The following NALF1 variants were observed in gnomAD, a reference collection of about 807,000 sequenced individuals.
NALF1 encodes the protein family with sequence similarity 155 member A.
Under a neutral mutation model 48.4 loss-of-function variants are expected in NALF1, and 3 were observed. The observed-to-expected ratio is 0.06, with a 90% CI of 0.03 to 0.16. NALF1 has a LOEUF of 0.16. Among genes scored for constraint, NALF1 ranks in the 10% least tolerant of loss-of-function variants. NALF1 has a pLI of 1.00. For synonymous variants in NALF1, 262 were observed against 245.7 expected, an observed-to-expected ratio of 1.07 and a Z score of -0.62; for missense variants, 526 against 571.5, an observed-to-expected ratio of 0.92 and a Z score of 0.81.
chr13:107,693,829 G>T (rs1881631400), intron 1 of NALF1, among the ~76,000 whole-genome samples: 1 of 152,130 alleles, frequency 6.6e-6, no homozygotes, highest in African/African-American at 2.4e-5. Context: ...AGATTTGGAG[G>T]CCACGGTCCT....
At chr13:107,597,092 G>A (rs1410979752) in intron 1 of NALF1, among the ~76,000 whole-genome samples, 1 of 152,074 alleles carries the variant, frequency 6.6e-6, no homozygotes, top group Non-Finnish European at 1.5e-5. Flanking sequence ...ATGATATTTT[G>A]CATAGAGGGT....
At chr13:107,579,756 C>A (rs1878251540) in intron 1 of NALF1, among the ~76,000 whole-genome samples, 1 of 151,518 alleles carries the variant, frequency 6.6e-6, no homozygotes, top group Non-Finnish European at 1.5e-5. Context: ...ATGTGCCATG[C>A]TGGTGTGCTG....
Position 107,163,526 on chromosome 13 carries a change from A to C in NALF1, c.*6971T>G, listed in dbSNP as rs186386949. On this transcript the variant is annotated 3_prime_UTR_variant, in exon 3 of 3. Transcript: ENST00000375915. ...TAAACAAACTTTAGCAGTGGCCTCT[A>C]TATCTTTTTAATATTTGTATTTTAA... 1 of 152,198 alleles carries C rather than the reference A, an allele frequency of 6.6e-6. No homozygotes were observed. Among genetic ancestry groups the C allele is most frequent in the African/African-American group, 2.4e-5 (1 of 41,454 alleles). 9.4% of individuals were successfully genotyped at this position (152,198 alleles called of 1,614,324 possible).
In NALF1 at chr13:107,388,427, T is replaced by A. The variant is rs1883566373; in HGVS notation, c.916-177672A>T. Among the ~76,000 whole-genome samples the A allele has an allele frequency of 3.3e-5, 5 of 152,318 alleles. No homozygotes were observed. In the South Asian group the frequency reaches 1.0e-3, roughly 32 times the overall value. On this transcript the variant is annotated intron_variant, in intron 1 of 2. Transcript: ENST00000375915. Reference sequence around the variant, plus strand: ...CTGGGGAGCTATGCTGGTGCATAAATCTGTGTTAGATTCTTATTCATATGT... The same window carrying A: ...CTGGGGAGCTATGCTGGTGCATAAAACTGTGTTAGATTCTTATTCATATGT...
chr13:107,610,004 T>C (rs930279214), intron 1 of NALF1, among the ~76,000 whole-genome samples: 1 of 152,206 alleles, frequency 6.6e-6, no homozygotes, highest in African/African-American at 2.4e-5. Context: ...TGATGATTGA[T>C]AGACAATCAA....
rs903716865 is a variant in NALF1 at position 107,814,589 on chromosome 13, G to A, written c.915+51093C>T. Among the ~76,000 whole-genome samples, 5 of 152,256 alleles carry A rather than the reference G, an allele frequency of 3.3e-5. 1 individual carries two copies. The South Asian group carries it at 1.0e-3, about 32-fold the overall frequency. Reference sequence around the variant, plus strand: ...AACAGAAGAAGTTACTAGAGATAAAGAGGGATACTTTATAATGATAAAAGG... The same window carrying A: ...AACAGAAGAAGTTACTAGAGATAAAAAGGGATACTTTATAATGATAAAAGG... On this transcript the variant is annotated intron_variant, in intron 1 of 2. Coordinates refer to ENST00000375915, the MANE Select transcript of NALF1 (RefSeq NM_001080396.3).
chr13:107,350,647 G>A (rs990693690), intron 1 of NALF1, among the ~76,000 whole-genome samples: 4 of 152,188 alleles, frequency 2.6e-5, no homozygotes, highest in African/African-American at 9.7e-5. Context: ...TCTTCATTGA[G>A]GTAGAATGAT....
At chr13:107,229,643 C>T (rs1044799357) in intron 1 of NALF1, among the ~76,000 whole-genome samples, 3 of 152,104 alleles carry the variant, frequency 2.0e-5, no homozygotes, top group Admixed American at 6.6e-5. Flanking sequence ...CACCCCACAC[C>T]CATGAACATT....
intron 2 of NALF1, among the ~76,000 whole-genome samples, chr13:107,201,800 C>T (rs1879526747): frequency 6.6e-6 from 1 of 152,130 alleles, no homozygotes; most frequent in African/African-American, 2.4e-5. Context: ...GTCCCTAAGA[C>T]AAGCCCAAAA....
chr13:107,621,660 C>T (rs937304212), intron 1 of NALF1, among the ~76,000 whole-genome samples: 7 of 152,184 alleles, frequency 4.6e-5, no homozygotes, highest in Admixed American at 1.3e-4. Context: ...ACATTTCTCC[C>T]AGTCATGCCT....
intron 1 of NALF1, among the ~76,000 whole-genome samples, chr13:107,424,091 T>C (rs1243448061): frequency 6.6e-6 from 1 of 152,172 alleles, no homozygotes; most frequent in Non-Finnish European, 1.5e-5. Flanking sequence ...CCTGTACTTA[T>C]TAACTGTAAT....
chr13:107,197,746 A>G (rs1179066118), intron 2 of NALF1, among the ~76,000 whole-genome samples: 1 of 152,182 alleles, frequency 6.6e-6, no homozygotes, highest in African/African-American at 2.4e-5. Flanking sequence ...ATTTGTCCAC[A>G]CTTGCTTTTG....
rs187471983 is a variant in NALF1 at position 107,252,447 on chromosome 13, G to A, written c.916-41692C>T. ...AGGAGAGAGGAAAGGAGAAAGAGAG[G>A]GACAGACACAGAGAGGAGAAAGAGA... On this transcript the variant is annotated intron_variant, in intron 1 of 2. Coordinates refer to ENST00000375915, the MANE Select transcript of NALF1 (RefSeq NM_001080396.3). Among the ~76,000 whole-genome samples, 17 of 150,962 alleles carry A rather than the reference G, an allele frequency of 1.1e-4. No individual in the cohort carries two copies. In the East Asian group the frequency reaches 2.7e-3, roughly 24 times the overall value.
intron 1 of NALF1, among the ~76,000 whole-genome samples, chr13:107,504,251 A>C (rs1368005423): frequency 8.7e-6 from 1 of 114,728 alleles, no homozygotes; most frequent in Admixed American, 8.2e-5. Context: ...GCCCTATCTC[A>C]AAAAAAAAAA....
At chr13:107,747,159 C>T (rs908725643) in intron 1 of NALF1, among the ~76,000 whole-genome samples, 38 of 152,226 alleles carry the variant, frequency 2.5e-4, no homozygotes, top group Non-Finnish European at 5.3e-4. Flanking sequence ...ATTTTAATTT[C>T]ACTGCCAATT....
chr13:107,770,789 T>G (rs1877556325), intron 1 of NALF1, among the ~76,000 whole-genome samples: 1 of 152,236 alleles, frequency 6.6e-6, no homozygotes, highest in South Asian at 2.1e-4. Context: ...GACTTTGTAC[T>G]AGTCAATTAA....
At chr13:107,727,140 A>C (rs1236567333) in intron 1 of NALF1, among the ~76,000 whole-genome samples, 1 of 152,128 alleles carries the variant, frequency 6.6e-6, no homozygotes, top group Non-Finnish European at 1.5e-5. Flanking sequence ...AGGATATCGC[A>C]TATTTAAGGC....
intron 1 of NALF1, among the ~76,000 whole-genome samples, chr13:107,247,696 T>A (rs1880611600): frequency 6.6e-6 from 1 of 152,162 alleles, no homozygotes; most frequent in Non-Finnish European, 1.5e-5. Context: ...TTTAATTAAT[T>A]CAATGTAGCA....
chr13:107,693,861 T>G (rs542520051), intron 1 of NALF1, among the ~76,000 whole-genome samples: 1 of 152,288 alleles, frequency 6.6e-6, no homozygotes, highest in East Asian at 1.9e-4. Flanking sequence ...GGGCTACTTG[T>G]TTCACACACT....
Sources: gnomAD v4.1 joint callset for allele counts (sites outside exome capture counted in the v4.1 genomes callset) on GRCh38, gnomAD v4.1.1 for gene constraint, MANE v1.5 for transcripts, NCBI Gene and HGNC (gene_info 2026-07-23, HGNC 2026-07-21) for gene names.